Variants in FBXO27 observed in about 807,000 individuals in gnomAD.
FBXO27 encodes F-box protein 27.
Under a neutral mutation model 28.3 loss-of-function variants are expected in FBXO27, and 28 were observed. That is an observed-to-expected ratio of 0.99 (90% CI 0.73 to 1.36). FBXO27 has a LOEUF of 1.36. Ranked by LOEUF, FBXO27 falls within the 40% of genes most tolerant of loss-of-function variation. The pLI is 0.00. For synonymous variants in FBXO27, 175 were observed against 167.3 expected (o/e 1.05, Z -0.36); for missense variants, 388 against 394.1 (o/e 0.98, Z 0.13).
At chr19:39,013,861 A>C (rs183218425) in intron 2 of FBXO27, among the ~76,000 whole-genome samples, 1 of 151,438 alleles carries the variant, frequency 6.6e-6, no homozygotes, top group East Asian at 2.0e-4. Flanking sequence ...AAAATACAAA[A>C]AATTAGCCGG....
chr19:39,023,676 C>T (rs759467994), downstream of FBXO27, among the ~76,000 whole-genome samples: 5 of 151,634 alleles, frequency 3.3e-5, no homozygotes, highest in Non-Finnish European at 7.4e-5. Flanking sequence ...CGCAGTGATG[C>T]GATCCTGGCT....
intron 2 of FBXO27, 53 bp downstream of exon 2, chr19:39,031,811 C>T: frequency 1.4e-6 from 2 of 1,427,392 alleles, no homozygotes; most frequent in African/African-American, 3.0e-5. Flanking sequence ...TCCGGCCCCG[C>T]TACCGCTCCC....
At chr19:39,020,592 A>G (rs1036615674), downstream of FBXO27, among the ~76,000 whole-genome samples, 2 of 152,102 alleles carry the variant, frequency 1.3e-5, no homozygotes, top group Admixed American at 1.3e-4. Context: ...TGGAAGGATG[A>G]CACCACTGAA....
chr19:39,016,742 A>C (rs2072822150), intron 1 of FBXO27, among the ~76,000 whole-genome samples: 4 of 151,560 alleles, frequency 2.6e-5, no homozygotes, highest in Non-Finnish European at 5.9e-5. Context: ...ATGAGATTGC[A>C]CTGTTGTACT....
chr19:39,009,342 C>T (rs571738445), intron 2 of FBXO27, among the ~76,000 whole-genome samples: 13 of 152,288 alleles, frequency 8.5e-5, no homozygotes, highest in African/African-American at 2.2e-4. Context: ...TAGAATTCTA[C>T]GTTTAGCTTT....
intron 2 of FBXO27, 90 bp downstream of exon 2, chr19:39,031,774 G>C (rs1241498109): frequency 1.4e-5 from 17 of 1,241,080 alleles, no homozygotes; most frequent in African/African-American, 4.3e-5. Flanking sequence ...GCGGCCCCTA[G>C]TACCGGTCCC....
chr19:39,017,941 A>T (rs1340567744), intron 1 of FBXO27, among the ~76,000 whole-genome samples: 1 of 152,244 alleles, frequency 6.6e-6, no homozygotes, highest in African/African-American at 2.4e-5. Flanking sequence ...AAATGCAGTG[A>T]TATTTGCATA....
chr19:39,012,023 C>T (rs1177411418), intron 2 of FBXO27, among the ~76,000 whole-genome samples: 3 of 150,716 alleles, frequency 2.0e-5, no homozygotes, highest in African/African-American at 7.3e-5. Flanking sequence ...TTGGTAGAGA[C>T]GTGGTTTCAC....
In FBXO27 at chr19:39,026,851, A is replaced by C; in HGVS notation, c.708+19T>G. 3.1e-6 allele frequency: 5 copies of C among 1,612,300 alleles called. No individual in the cohort carries two copies. The highest frequency in any genetic ancestry group is 4.2e-6 in the Non-Finnish European group (5 of 1,179,468). On this transcript the variant is annotated intron_variant, in intron 5 of 5. Transcript: ENST00000292853. Reference sequence around the variant, plus strand: ...TAGGCCCCCAGCATCCTTTCCCCAAACCCCCATAGGAGACTCACGTGAAGG... The same window carrying C: ...TAGGCCCCCAGCATCCTTTCCCCAACCCCCCATAGGAGACTCACGTGAAGG...
intron 2 of FBXO27, among the ~76,000 whole-genome samples, chr19:39,014,220 A>T (rs1407160662): frequency 1.3e-5 from 2 of 152,214 alleles, no homozygotes; most frequent in African/African-American, 2.4e-5. Context: ...AGCAGACAGC[A>T]GTATCAGGTT....
At chr19:39,010,518 A>T (rs771521073) in intron 2 of FBXO27, among the ~76,000 whole-genome samples, 7 of 152,138 alleles carry the variant, frequency 4.6e-5, no homozygotes, top group Non-Finnish European at 1.0e-4. Context: ...CAGGGCTCGG[A>T]CACTGGACCA....
At chr19:39,021,871 C>G (rs1353647359), downstream of FBXO27, among the ~76,000 whole-genome samples, 2 of 151,966 alleles carry the variant, frequency 1.3e-5, no homozygotes, top group East Asian at 3.9e-4. Flanking sequence ...CCATGTTGGC[C>G]AGGCTGGTCT....
rs766644679 is a variant in FBXO27 at position 39,032,013 on chromosome 19, G to A, written c.215C>T (p.Ala72Val). ...GCGGCCGGTGGCGCCGTGGTCGCGG[G>A]CCAGGATCAGCAGCCACAGGGCCTG... ...DGQALWLLIL[A>V]RDHGATGRAL... The change falls in exon 2 of 6, where the codon GCC becomes GTC. Residue 72 changes from alanine to valine, a missense_variant. Physicochemically the swap from Ala to Val is moderately conservative, Grantham distance 64. Coordinates refer to ENST00000292853, the MANE Select transcript of FBXO27 (RefSeq NM_178820.5). This position sits in a 1 kb window ranked among gnomAD's most constrained non-coding sequence, Gnocchi z 4.7. The A allele has an allele frequency of 3.9e-6, 6 of 1,523,490 alleles. No individual in the cohort carries two copies. In the African/African-American group the frequency reaches 5.8e-5, roughly 15 times the overall value. 94.4% of individuals were successfully genotyped at this position (1,523,490 alleles called of 1,614,324 possible). A position where few individuals can be genotyped will look rare whatever the true frequency, so the allele number is the denominator to read the frequency against.
chr19:39,016,317 A>G (rs6508835), intron 1 of FBXO27, among the ~76,000 whole-genome samples: 90,702 of 151,744 alleles, frequency 0.6, 27,447 homozygotes, highest in Middle Eastern at 0.63. Context: ...TTCATTGATT[A>G]TAACATGTAC....
rs1471596870 is a variant in FBXO27 at position 39,031,192 on chromosome 19, A to C, written c.476+17T>G. 1 of 1,613,806 alleles carries C rather than the reference A, an allele frequency of 6.2e-7. No homozygotes were observed. The highest frequency in any genetic ancestry group is 8.5e-7 in the Non-Finnish European group (1 of 1,179,760). ...TCTCAACAAGGGGCCGGACCTTTGG[A>C]TAGCAGGGGCATTCACCTGAATGAA... is the stretch of plus-strand genomic sequence containing the variant. On this transcript the variant is annotated intron_variant, in intron 3 of 5. Coordinates refer to ENST00000292853, the MANE Select transcript of FBXO27 (RefSeq NM_178820.5).
At chr19:39,008,556 A>G (rs1411310740) in intron 2 of FBXO27, among the ~76,000 whole-genome samples, 1 of 152,186 alleles carries the variant, frequency 6.6e-6, no homozygotes, top group Non-Finnish European at 1.5e-5. Flanking sequence ...TATATAATTC[A>G]GTGGTTTTCG....
In FBXO27 at chr19:39,032,366, G is replaced by T. The variant is rs2072911754; in HGVS notation, c.-26-113C>A. 2.5e-6 allele frequency: 3 copies of T among 1,201,392 alleles called. No homozygotes were observed. The allele number at this position is 1,201,392 out of a possible 1,614,324, so 74.4% of individuals were successfully genotyped here. A position where few individuals can be genotyped will look rare whatever the true frequency, so the allele number is the denominator to read the frequency against. The stretch of plus-strand genomic sequence containing the variant: ...CCCGTCTTCACCATCCCTGGGCCCC[G>T]TCCCCAAGTCCCCATCCCCCAGCCC... On this transcript the variant is annotated intron_variant, in intron 1 of 5. Coordinates refer to ENST00000292853, the MANE Select transcript of FBXO27 (RefSeq NM_178820.5). The surrounding 1 kb of genome is among the most constrained non-coding windows in gnomAD (Gnocchi z 4.7).
rs1975736692 is a variant in FBXO27, at chr19:39,006,724, A to G, written c.252+7663T>C. Among the ~76,000 whole-genome samples, 5 of 152,222 alleles carry G rather than the reference A, an allele frequency of 3.3e-5. No homozygotes were observed. The South Asian group carries it at 1.0e-3, about 32-fold the overall frequency. On this transcript the variant is annotated intron_variant, in intron 2 of 2. Transcript: ENST00000598394. ...ACAGCTGACCAGTAAGTTGAAGCTG[A>G]TCTGAACAGTGTTCAGGGCTGAGAC...
At chr19:39,030,636 C>T (rs965593007) in intron 4 of FBXO27, 20 of 163,928 alleles carry the variant, frequency 1.2e-4, no homozygotes, top group Non-Finnish European at 2.0e-4. Flanking sequence ...TTTTTTTTTC[C>T]AGGACTGAGT....
Sources: gnomAD v4.1 joint callset for allele counts (sites outside exome capture counted in the v4.1 genomes callset) on GRCh38, gnomAD v4.1.1 for gene constraint, Gnocchi (gnomAD v3.1) non-coding constraint, MANE v1.5 for transcripts, NCBI Gene and HGNC (gene_info 2026-07-23, HGNC 2026-07-21) for gene names.